ZNF318: variants seen among roughly 807,000 people sequenced by gnomAD.
ZNF318 encodes the protein endocrine regulator.
Under a neutral mutation model 124.2 loss-of-function variants are expected in ZNF318, and 51 were observed. The observed-to-expected ratio is 0.41, with a 90% CI of 0.33 to 0.52. The LOEUF is 0.52. ZNF318 is among the 20% of genes least tolerant of loss of function. ZNF318 has a pLI of 0.23. For synonymous variants in ZNF318, 1,090 were observed against 1,040.7 expected (o/e 1.05, Z -0.91); for missense variants, 2,815 against 2,811.2 (o/e 1.00, Z -0.03).
At chr6:43,351,490 G>A (rs1023106183) in intron 5 of ZNF318, among the ~76,000 whole-genome samples, 18 of 152,198 alleles carry the variant, frequency 1.2e-4, no homozygotes, top group Non-Finnish European at 2.5e-4. Flanking sequence ...GGCCAGTGCA[G>A]TGACTCATGC....
chr6:43,348,652 A>C (rs374179576), intron 5 of ZNF318, 27 bp from the exon 6 acceptor site: 322 of 1,602,716 alleles, frequency 2.0e-4, no homozygotes, highest in Non-Finnish European at 1.9e-4. Context: ...CAACAAAAAG[A>C]AGCACAGGGA....
chr6:43,340,830 T>A lies in ZNF318; in HGVS notation c.3455A>T (p.Glu1152Val). ...EEFLGDPISG[E>V]QHVKGHQHNE... Reference sequence around the variant, plus strand: ...GTGTTGGTGACCCTTCACATGTTGCTCCCCAGAAATTGGATCCCCCAAAAA... The same window carrying A: ...GTGTTGGTGACCCTTCACATGTTGCACCCCAGAAATTGGATCCCCCAAAAA... Residue 1152 changes from glutamate to valine, a missense_variant, in exon 9 of 10, where the codon GAG (glutamate) becomes GTG (valine). By Grantham distance (121) the Glu-to-Val change is moderately radical (BLOSUM62 -2). This residue lies in a region of ZNF318 where 500 missense variants were observed against 605.2 expected (regional missense o/e 0.83). Transcript: ENST00000361428. The A allele has an allele frequency of 6.2e-7, 1 of 1,614,074 alleles. No homozygotes were observed.
At position 43,338,708 on chromosome 6, in the gene ZNF318, G is replaced by C; in HGVS notation, c.5290C>G (p.Leu1764Val). 6.2e-7 allele frequency: 1 copy of C among 1,614,120 alleles called. No individual in the cohort carries two copies. The highest frequency in any genetic ancestry group is 8.5e-7 in the Non-Finnish European group (1 of 1,180,034). Residue 1764 changes from leucine (L) to valine (V), a missense_variant, in exon 10 of 10, where the codon CTC becomes GTC. Physicochemically the swap from Leu to Val is conservative, Grantham distance 32. Transcript: ENST00000361428. ...TCTCTACAATCCTCAGATTTACGGAGCTCTTGGCTTTCCTTATCCTGGTTA... is the reference window on the plus strand; with the variant it reads ...TCTCTACAATCCTCAGATTTACGGACCTCTTGGCTTTCCTTATCCTGGTTA... ...SVNQDKESQELRKSEDCRESE... is the reference protein window; with the variant it reads ...SVNQDKESQEVRKSEDCRESE...
At chr6:43,361,181 T>C (rs1346641695) in intron 2 of ZNF318, among the ~76,000 whole-genome samples, 1 of 152,092 alleles carries the variant, frequency 6.6e-6, no homozygotes, top group East Asian at 1.9e-4. Context: ...GTCCCAAAAA[T>C]GCCCCAAGAA....
At position 43,369,472 on chromosome 6, in the gene ZNF318, G is replaced by C; in HGVS notation, c.-107C>G. 1 of 946,266 alleles carries C rather than the reference G, an allele frequency of 1.1e-6. No individual in the cohort carries two copies. Among genetic ancestry groups the C allele is most frequent in the Non-Finnish European group, 1.3e-6 (1 of 764,540 alleles). 58.6% of individuals were successfully genotyped at this position (946,266 alleles called of 1,614,324 possible). ...CAGCCGCCGCCACCTCGGCCGCTGC[G>C]CGCCGCCTCAGCCGCGGGAGCAGCC... On this transcript the variant is annotated 5_prime_UTR_variant, in exon 1 of 10. Coordinates refer to ENST00000361428, the MANE Select transcript of ZNF318 (RefSeq NM_014345.3).
chr6:43,336,963 T>G lies in ZNF318; in HGVS notation c.*195A>C, dbSNP rs895280925. On this transcript the variant is annotated 3_prime_UTR_variant, in exon 10 of 10. Coordinates refer to ENST00000361428, the MANE Select transcript of ZNF318 (RefSeq NM_014345.3). ...TATATATATATAAGTTGTTATCGAT[T>G]TGTCTGGTGTTTTAAGGGGAAAGGG... 54 of 393,086 alleles carry G rather than the reference T, an allele frequency of 1.4e-4. No homozygotes were observed. The highest frequency in any genetic ancestry group is 1.0e-3 in the African/African-American group (49 of 48,122). The allele number at this position is 393,086 out of a possible 1,614,324, so 24.3% of individuals were successfully genotyped here. A position where few individuals can be genotyped will look rare whatever the true frequency, so the allele number is the denominator to read the frequency against.
At chr6:43,353,310 A>G (rs1779559157) in intron 4 of ZNF318, among the ~76,000 whole-genome samples, 1 of 152,110 alleles carries the variant, frequency 6.6e-6, no homozygotes, top group Non-Finnish European at 1.5e-5. Flanking sequence ...TTGTCTTCCC[A>G]ATAATTGGCT....
Position 43,357,713 on chromosome 6 carries a change from C to G in ZNF318, c.601G>C (p.Gly201Arg). The G allele has an allele frequency of 1.2e-6, 2 of 1,607,090 alleles. No homozygotes were observed. Residue 201 changes from glycine to arginine, a missense_variant, in exon 3 of 10, where the codon GGT becomes CGT. Physicochemically the swap from Gly to Arg is moderately radical, Grantham distance 125. Transcript: ENST00000361428. Reference protein sequence around the residue: ...VFTRSSQCSRGLERYISQEEG... With the variant: ...VFTRSSQCSRRLERYISQEEG... ...TCCTGGGAAATATATCGCTCAAGACCCCGAGAGCACTGGGAGCTTCGAGTG... is the reference window on the plus strand; with the variant it reads ...TCCTGGGAAATATATCGCTCAAGACGCCGAGAGCACTGGGAGCTTCGAGTG...
Position 43,339,833 on chromosome 6 carries a change from G to A in ZNF318, c.4165C>T (p.Leu1389=), listed in dbSNP as rs369540119. 11 of 1,614,218 alleles carry A rather than the reference G, an allele frequency of 6.8e-6. No homozygotes were observed. The highest frequency in any genetic ancestry group is 9.3e-6 in the Non-Finnish European group (11 of 1,180,036). ...GCTGAAGACTCTTTAACCACTGGCAGAGGTTTAGCAGTGGTTCCAGAGGAC... is the reference window on the plus strand; with the variant it reads ...GCTGAAGACTCTTTAACCACTGGCAAAGGTTTAGCAGTGGTTCCAGAGGAC... ...IKSSGTTAKP[L]PVVKESSADL... is the part of the protein sequence containing the mutation. The change falls in exon 10 of 10, where the codon CTG becomes TTG. Residue 1389 remains leucine (L), a synonymous_variant. Coordinates refer to ENST00000361428, the MANE Select transcript of ZNF318 (RefSeq NM_014345.3). The surrounding 1 kb of genome is among the most constrained non-coding windows in gnomAD (Gnocchi z 4.2).
chr6:43,369,097 G>C lies in ZNF318; in HGVS notation c.269C>G (p.Pro90Arg). The change falls in exon 1 of 10, where the codon CCG becomes CGG. Residue 90 changes from proline to arginine, a missense_variant. Physicochemically the swap from Pro to Arg is moderately radical, Grantham distance 103. Transcript: ENST00000361428. Reference protein sequence around the residue: ...PSPPRARRGSPSPPRGRRLFP... With the variant: ...PSPPRARRGSRSPPRGRRLFP... ...GAGTCGTCGGCCCCGCGGTGGCGAC[G>C]GGGAGCCGCGACGGGCCCGAGGCGG... The C allele has an allele frequency of 7.9e-7, 1 of 1,259,096 alleles. No individual in the cohort carries two copies. Among genetic ancestry groups the C allele is most frequent in the East Asian group, 3.1e-5 (1 of 31,782 alleles). 78.0% of individuals were successfully genotyped at this position (1,259,096 alleles called of 1,614,324 possible). A position where few individuals can be genotyped will look rare whatever the true frequency, so the allele number is the denominator to read the frequency against.
At chr6:43,368,051 A>G (rs748871265) in intron 1 of ZNF318, among the ~76,000 whole-genome samples, 7 of 152,218 alleles carry the variant, frequency 4.6e-5, no homozygotes, top group Non-Finnish European at 8.8e-5. Context: ...AAAAAGATTG[A>G]TGAACTAAAA....
At chr6:43,354,569 G>A in intron 4 of ZNF318, 95 bp downstream of exon 4, 4 of 1,173,166 alleles carry the variant, frequency 3.4e-6, no homozygotes, top group Non-Finnish European at 4.8e-6. Context: ...TCAAGTGAAA[G>A]AGCCTTACAA....
At chr6:43,360,155 T>A (rs1246538891) in intron 2 of ZNF318, among the ~76,000 whole-genome samples, 1 of 152,304 alleles carries the variant, frequency 6.6e-6, no homozygotes, top group South Asian at 2.1e-4. Context: ...TGAAACGGCA[T>A]ACTAGCCCAA....
At chr6:43,348,895 A>G (rs907487352) in intron 5 of ZNF318, among the ~76,000 whole-genome samples, 2 of 151,972 alleles carry the variant, frequency 1.3e-5, no homozygotes, top group Non-Finnish European at 1.5e-5. Context: ...TTAGCCGGGC[A>G]TGGGGGTGGG....
chr6:43,345,775 T>C (rs1488797841), intron 6 of ZNF318, among the ~76,000 whole-genome samples: 1 of 152,216 alleles, frequency 6.6e-6, no homozygotes, highest in East Asian at 1.9e-4. Context: ...AGACATATTG[T>C]ATGCAATGGG....
At position 43,348,532 on chromosome 6, in the gene ZNF318, T is replaced by C; in HGVS notation, c.2864A>G (p.Asp955Gly). Residue 955 changes from aspartate (D) to glycine (G), a missense_variant, in exon 6 of 10, where the codon GAC becomes GGC. Around this residue, in one of 4 missense-constraint regions of ZNF318, gnomAD observed 1,377 missense variants for 1,353.5 expected, o/e 1.02. Transcript: ENST00000361428. Reference protein sequence around the residue: ...VSRLQDNIMKDIAELRQEAEE... With the variant: ...VSRLQDNIMKGIAELRQEAEE... Reference sequence around the variant, plus strand: ...TGCCTCTTGCCGTAGCTCTGCAATGTCCTTCATAATGTTATCCTGAAGCCG... The same window carrying C: ...TGCCTCTTGCCGTAGCTCTGCAATGCCCTTCATAATGTTATCCTGAAGCCG... 1 of 1,614,200 alleles carries C rather than the reference T, an allele frequency of 6.2e-7. No individual in the cohort carries two copies. The highest frequency in any genetic ancestry group is 8.5e-7 in the Non-Finnish European group (1 of 1,180,030).
chr6:43,358,793 T>C lies in ZNF318; in HGVS notation c.549-1028A>G, dbSNP rs563275106. 2.0e-4 allele frequency among the ~76,000 whole-genome samples: 30 copies of C among 152,236 alleles called. No homozygotes were observed. In the East Asian group the frequency reaches 5.4e-3, roughly 27 times the overall value. ...CTGGTCTCGAACTCCTGATCTCAGG[T>C]GATCTGCCCGCCTCAGCCTCCCAAA... On this transcript the variant is annotated intron_variant, in intron 2 of 9. Coordinates refer to ENST00000361428, the MANE Select transcript of ZNF318 (RefSeq NM_014345.3).
chr6:43,361,444 AGT>A (rs1367353653), intron 2 of ZNF318, among the ~76,000 whole-genome samples: 2 of 152,212 alleles, frequency 1.3e-5, no homozygotes, highest in Non-Finnish European at 2.9e-5. Context: ...TGCAGCCCAT[AGT>A]CCTAGCTACT....
At position 43,338,229 on chromosome 6, in the gene ZNF318, A is replaced by G. The variant is rs747246368; in HGVS notation, c.5769T>C (p.Asn1923=). 6.2e-7 allele frequency: 1 copy of G among 1,614,124 alleles called. No individual in the cohort carries two copies. Among genetic ancestry groups the G allele is most frequent in the South Asian group, 1.1e-5 (1 of 91,080 alleles). The change falls in exon 10 of 10, where the codon AAT becomes AAC. Residue 1923 remains asparagine (N), a synonymous_variant. Transcript: ENST00000361428. ...VSVVSEEGLE[N]SAPESASRTS... is the part of the protein sequence containing the mutation. Reference sequence around the variant, plus strand: ...TTCTAGAAGCTGATTCTGGAGCTGAATTCTCTAGCCCCTCCTCACTAACAA... The same window carrying G: ...TTCTAGAAGCTGATTCTGGAGCTGAGTTCTCTAGCCCCTCCTCACTAACAA...
Sources: allele counts gnomAD v4.1 joint callset (sites outside exome capture counted in the v4.1 genomes callset), GRCh38; gene constraint gnomAD v4.1.1; regional missense constraint gnomAD v4.1.1; non-coding constraint Gnocchi (gnomAD v3.1); transcripts MANE v1.5; gene names NCBI Gene and HGNC (gene_info 2026-07-23, HGNC 2026-07-21).